The following DLGAP1 variants were observed in gnomAD, a reference collection of about 807,000 sequenced individuals.
The protein encoded by DLGAP1 is DLG associated protein 1.
Under a neutral mutation model 90.8 loss-of-function variants are expected in DLGAP1, and 11 were observed. The ratio of observed to expected loss-of-function variants is 0.12; its 90% CI spans 0.08 to 0.20. The LOEUF is 0.20. Among genes scored for constraint, DLGAP1 ranks in the 10% least tolerant of loss-of-function variants. The probability of loss-of-function intolerance (pLI) is 1.00; values close to 1 mark genes in which losing one functional copy is unlikely to be tolerated. For synonymous variants in DLGAP1, 558 were observed against 540.7 expected (o/e 1.03, Z -0.44); for missense variants, 1,050 against 1,333.8 (o/e 0.79, Z 3.31).
chr18:3,800,482 T>G (rs1027783186), intron 5 of DLGAP1, among the ~76,000 whole-genome samples: 1 of 152,180 alleles, frequency 6.6e-6, no homozygotes, highest in Non-Finnish European at 1.5e-5. Context: ...CCCACAAGCA[T>G]TTATATAAAA....
chr18:3,567,426 G>GA, intron 9 of DLGAP1, 64 bp downstream of exon 9: 1 of 1,381,392 alleles, frequency 7.2e-7, no homozygotes, highest in Non-Finnish European at 1.0e-6. Context: ...TTATCACGGG[G>GA]AAAAATGCTT....
At chr18:3,798,208 C>T (rs550429289) in intron 5 of DLGAP1, among the ~76,000 whole-genome samples, 7 of 152,268 alleles carry the variant, frequency 4.6e-5, no homozygotes, top group Middle Eastern at 3.4e-3. Context: ...TAACCAAACC[C>T]GAGGTTAATC....
At chr18:4,180,934 G>A (rs2077196994) in intron 1 of DLGAP1, among the ~76,000 whole-genome samples, 1 of 152,056 alleles carries the variant, frequency 6.6e-6, no homozygotes, top group East Asian at 1.9e-4. Context: ...GGAGACAGAG[G>A]GATCAGTCAG....
chr18:3,500,810 C>T (rs1224665740), intron 12 of DLGAP1, among the ~76,000 whole-genome samples: 3 of 152,116 alleles, frequency 2.0e-5, no homozygotes, highest in Non-Finnish European at 4.4e-5. Flanking sequence ...CATTTTAAAT[C>T]TTCATTGTGG....
Position 3,797,379 on chromosome 18 carries a change from G to A in DLGAP1, c.1172+16680C>T, listed in dbSNP as rs186245571. Among the ~76,000 whole-genome samples the A allele has an allele frequency of 4.5e-3, 684 of 151,494 alleles. 10 individuals are homozygous for A. Among genetic ancestry groups the A allele is most frequent in the Admixed American group, 0.023 (358 of 15,238 alleles). On this transcript the variant is annotated intron_variant, in intron 5 of 12. Transcript: ENST00000315677. Reference sequence around the variant, plus strand: ...CAAGAGCTCTCTCTCTGTCTGCCACGTCAAGACAGTGAGGAGGTGGCCCTA... The same window carrying A: ...CAAGAGCTCTCTCTCTGTCTGCCACATCAAGACAGTGAGGAGGTGGCCCTA...
At chr18:4,341,535 G>A (rs567687004) in intron 1 of DLGAP1, among the ~76,000 whole-genome samples, 2 of 152,254 alleles carry the variant, frequency 1.3e-5, no homozygotes, top group East Asian at 1.9e-4. Flanking sequence ...CAGTGGAGAA[G>A]TGATAGAATA....
chr18:4,344,185 T>C (rs1389201854), intron 1 of DLGAP1, among the ~76,000 whole-genome samples: 1 of 152,216 alleles, frequency 6.6e-6, no homozygotes, highest in Non-Finnish European at 1.5e-5. Context: ...GTAGTGATAA[T>C]GTTAGTAGTA....
intron 11 of DLGAP1, among the ~76,000 whole-genome samples, chr18:3,507,508 G>T (rs1264807961): frequency 6.6e-6 from 1 of 152,046 alleles, no homozygotes; most frequent in Non-Finnish European, 1.5e-5. Context: ...ACAACAGAGC[G>T]AGACTCCATC....
chr18:4,247,668 T>G (rs2078682636), intron 1 of DLGAP1, among the ~76,000 whole-genome samples: 1 of 151,858 alleles, frequency 6.6e-6, no homozygotes, highest in Non-Finnish European at 1.5e-5. Context: ...TCCCAGCTAC[T>G]CCAGAGGCTG....
intron 12 of DLGAP1, among the ~76,000 whole-genome samples, chr18:3,501,663 T>A (rs768901615): frequency 6.6e-6 from 1 of 152,176 alleles, no homozygotes; most frequent in African/African-American, 2.4e-5. Flanking sequence ...GCCACCAGCA[T>A]TTCAAGGGAA....
rs1208530070 is a variant in DLGAP1, at chr18:3,835,303, TTTACA to T, written c.958-21035_958-21031del. The stretch of plus-strand genomic sequence containing the variant: ...CAGAACACTAATGCCATATTTACCA[TTTACA>T]TTATATAAGAATGGCAAGTTTTTAT... On this transcript the variant is annotated intron_variant, in intron 4 of 12. Coordinates refer to ENST00000315677, the MANE Select transcript of DLGAP1 (RefSeq NM_004746.4). 2.0e-5 allele frequency among the ~76,000 whole-genome samples: 3 copies of T among 152,306 alleles called. No homozygotes were observed. In the East Asian group the frequency reaches 5.8e-4, roughly 29 times the overall value.
intron 1 of DLGAP1, among the ~76,000 whole-genome samples, chr18:4,371,517 C>T (rs1414998232): frequency 6.6e-6 from 1 of 152,222 alleles, no homozygotes; most frequent in Non-Finnish European, 1.5e-5. Flanking sequence ...AACCCTATTT[C>T]ACTTCAAATG....
intron 3 of DLGAP1, chr18:3,985,975 C>T (rs369630340): frequency 9.2e-5 from 14 of 152,252 alleles, no homozygotes; most frequent in East Asian, 7.7e-4. Context: ...CATGATGTAG[C>T]GGAAAGTCAT....
intron 7 of DLGAP1, among the ~76,000 whole-genome samples, chr18:3,723,581 C>A (rs2062053453): frequency 6.6e-6 from 1 of 151,672 alleles, no homozygotes; most frequent in Non-Finnish European, 1.5e-5. Context: ...GAGTGGGGAG[C>A]AAGGTGTGTG....
chr18:4,452,169 G>C (rs1045435327), intron 1 of DLGAP1, among the ~76,000 whole-genome samples: 3 of 152,188 alleles, frequency 2.0e-5, no homozygotes, highest in Admixed American at 2.0e-4. Context: ...CTGATAAACA[G>C]TGGAGCAATT....
At position 4,378,332 on chromosome 18, in the gene DLGAP1, A is replaced by G. The variant is rs1199079124; in HGVS notation, c.-267+76674T>C. Among the ~76,000 whole-genome samples, 1 of 152,058 alleles carries G rather than the reference A, an allele frequency of 6.6e-6. No individual in the cohort carries two copies. Among genetic ancestry groups the G allele is most frequent in the Non-Finnish European group, 1.5e-5 (1 of 68,014 alleles). ...GAACATGTAACTCTATCACTTTTCA[A>G]TTAAAAATTTAGAAGGTATGTTAAC... On this transcript the variant is annotated intron_variant, in intron 1 of 12. Transcript: ENST00000315677. The surrounding 1 kb of genome is among the most constrained non-coding windows in gnomAD (Gnocchi z 4.5).
chr18:4,275,880 AT>A (rs1387713876), intron 1 of DLGAP1, among the ~76,000 whole-genome samples: 1 of 152,190 alleles, frequency 6.6e-6, no homozygotes, highest in Non-Finnish European at 1.5e-5. Context: ...AAGAAAATAT[AT>A]CCAGAAGTGA....
At chr18:3,627,545 G>A (rs1022294926) in intron 7 of DLGAP1, among the ~76,000 whole-genome samples, 3 of 152,126 alleles carry the variant, frequency 2.0e-5, no homozygotes, top group African/African-American at 4.8e-5. Context: ...ATGGGTGGGC[G>A]TATCAGAATT....
chr18:4,444,695 T>G (rs1000380820), intron 1 of DLGAP1, among the ~76,000 whole-genome samples: 1 of 152,212 alleles, frequency 6.6e-6, no homozygotes, highest in Non-Finnish European at 1.5e-5. Context: ...TTTAAATTCT[T>G]TACTTGGTAG....
Sources: allele counts gnomAD v4.1 joint callset (sites outside exome capture counted in the v4.1 genomes callset), GRCh38; gene constraint gnomAD v4.1.1; non-coding constraint Gnocchi (gnomAD v3.1); transcripts MANE v1.5; gene names NCBI Gene and HGNC (gene_info 2026-07-23, HGNC 2026-07-21).